SMOC2: variants seen among roughly 807,000 people sequenced by gnomAD.
SMOC2 encodes the protein SPARC-related modular calcium-binding protein 2.
In SMOC2, 39 loss-of-function variants were observed where a neutral mutation model predicts 61.4. The ratio of observed to expected loss-of-function variants is 0.64; its 90% confidence interval spans 0.49 to 0.83. SMOC2 has a LOEUF of 0.83. Ranked by LOEUF, SMOC2 falls within the 40% of genes least tolerant of loss-of-function variation. The probability of loss-of-function intolerance (pLI) is 0.00; values close to 1 mark genes in which losing one functional copy is unlikely to be tolerated. For missense variants in SMOC2, 556 were observed against 592.9 expected (o/e 0.94, Z 0.65); for synonymous variants, 247 against 239.9 (o/e 1.03, Z -0.27).
At chr6:168,489,103 G>A (rs1481709824) in intron 1 of SMOC2, among the ~76,000 whole-genome samples, 17 of 132,520 alleles carry the variant, frequency 1.3e-4, no homozygotes, top group East Asian at 1.2e-3. Flanking sequence ...CTGTTTTAGA[G>A]TGAAATATAT....
At chr6:168,478,353 G>T (rs1188908165) in intron 1 of SMOC2, among the ~76,000 whole-genome samples, 2 of 152,208 alleles carry the variant, frequency 1.3e-5, no homozygotes, top group African/African-American at 4.8e-5. Context: ...TATTGGAGTG[G>T]TAGATGATGG....
At chr6:168,653,806 C>T (rs1466555109) in intron 11 of SMOC2, among the ~76,000 whole-genome samples, 2 of 148,156 alleles carry the variant, frequency 1.3e-5, no homozygotes, top group African/African-American at 5.1e-5. Context: ...GTTAGGAACT[C>T]ACCACCCCTG....
intron 7 of SMOC2, among the ~76,000 whole-genome samples, chr6:168,565,924 A>G (rs924604514): frequency 5.9e-5 from 9 of 152,150 alleles, no homozygotes; most frequent in African/African-American, 2.2e-4. Flanking sequence ...ACTGGAGTGA[A>G]ATTTCTCCCA....
chr6:168,482,134 A>C (rs1344264251), intron 1 of SMOC2, among the ~76,000 whole-genome samples: 1 of 151,966 alleles, frequency 6.6e-6, no homozygotes, highest in Non-Finnish European at 1.5e-5. Context: ...TAAAATTGAT[A>C]ACATTTTAGC....
intron 7 of SMOC2, among the ~76,000 whole-genome samples, chr6:168,574,841 C>T (rs1283385055): frequency 1.3e-5 from 2 of 152,190 alleles, no homozygotes; most frequent in Admixed American, 6.5e-5. Flanking sequence ...ACCACTTAGG[C>T]ACAGAGGGTG....
intron 9 of SMOC2, among the ~76,000 whole-genome samples, chr6:168,628,622 A>G (rs992828015): frequency 7.7e-4 from 118 of 152,344 alleles, no homozygotes; most frequent in African/African-American, 2.8e-3. Flanking sequence ...TATTTGACCA[A>G]TTCCTTCTCC....
Position 168,622,090 on chromosome 6 carries a change from T to C in SMOC2, c.907+13851T>C, listed in dbSNP as rs868393868. Reference sequence around the variant, plus strand: ...ACGCCATTCTTCTGCCTCAGCCTCCTGAGTAGCTGGGACTACAGGCGCCTG... The same window carrying C: ...ACGCCATTCTTCTGCCTCAGCCTCCCGAGTAGCTGGGACTACAGGCGCCTG... On this transcript the variant is annotated intron_variant, in intron 9 of 12. Transcript: ENST00000356284. 2.6e-5 allele frequency among the ~76,000 whole-genome samples: 4 copies of C among 152,094 alleles called. No homozygotes were observed. In the East Asian group the frequency reaches 5.8e-4, roughly 22 times the overall value.
At chr6:168,620,882 T>A (rs1188165406) in intron 9 of SMOC2, among the ~76,000 whole-genome samples, 1 of 152,208 alleles carries the variant, frequency 6.6e-6, no homozygotes, top group Non-Finnish European at 1.5e-5. Context: ...TTCCTGATAA[T>A]TCCTTAAGAA....
intron 7 of SMOC2, among the ~76,000 whole-genome samples, chr6:168,551,750 G>A (rs898486036): frequency 6.6e-6 from 1 of 152,178 alleles, no homozygotes; most frequent in Non-Finnish European, 1.5e-5. Flanking sequence ...CACCATGCCA[G>A]GCTAAGAAAT....
intron 1 of SMOC2, among the ~76,000 whole-genome samples, chr6:168,468,539 G>GT (rs1396255565): frequency 1.3e-5 from 2 of 152,158 alleles, no homozygotes; most frequent in Non-Finnish European, 2.9e-5. Flanking sequence ...GACAATGAAG[G>GT]TTTTTTGTTT....
At chr6:168,595,195 G>GAGCTCCTCCTTCCTAAGGCCTCACA (rs1562369296) in intron 7 of SMOC2, among the ~76,000 whole-genome samples, 31 of 10,008 alleles carry the variant, frequency 3.1e-3, no homozygotes, top group Admixed American at 6.1e-3. Flanking sequence ...GAGGCCTCAC[G>GAGCTCCTCCTTCCTAAGGCCTCACA]AGGGGCATCT....
At chr6:168,615,686 G>T (rs1583163157) in intron 9 of SMOC2, among the ~76,000 whole-genome samples, 1 of 134,408 alleles carries the variant, frequency 7.4e-6, no homozygotes, top group African/African-American at 2.9e-5. Flanking sequence ...CCTACAGCCA[G>T]CACAGGGCCT....
intron 7 of SMOC2, among the ~76,000 whole-genome samples, chr6:168,569,569 T>C (rs1316299817): frequency 6.6e-6 from 1 of 152,088 alleles, no homozygotes; most frequent in Non-Finnish European, 1.5e-5. Flanking sequence ...GCCTCCTGAG[T>C]AGCTAGGACC....
At chr6:168,566,930 G>A (rs78765347) in intron 7 of SMOC2, among the ~76,000 whole-genome samples, 277 of 152,274 alleles carry the variant, frequency 1.8e-3, no homozygotes, top group Non-Finnish European at 3.2e-3. Flanking sequence ...AAGACAGAAT[G>A]ATACACGGAA....
intron 7 of SMOC2, among the ~76,000 whole-genome samples, chr6:168,558,513 C>G (rs1331635273): frequency 2.6e-5 from 4 of 152,224 alleles, no homozygotes; most frequent in South Asian, 4.2e-4. Flanking sequence ...GGTTCTCGGC[C>G]CCCCCTGTGT....
intron 9 of SMOC2, among the ~76,000 whole-genome samples, chr6:168,625,180 A>C (rs1256233378): frequency 6.6e-6 from 1 of 152,216 alleles, no homozygotes; most frequent in Admixed American, 6.5e-5. Flanking sequence ...GCACTAGGGC[A>C]TGTGGGGCAC....
chr6:168,584,893 A>C (rs2115164355), intron 7 of SMOC2, among the ~76,000 whole-genome samples: 1 of 152,300 alleles, frequency 6.6e-6, no homozygotes, highest in South Asian at 2.1e-4. Context: ...ACAGCCCCCC[A>C]GAGCCATCTC....
At chr6:168,563,138 A>C (rs1470997688) in intron 7 of SMOC2, among the ~76,000 whole-genome samples, 2 of 152,234 alleles carry the variant, frequency 1.3e-5, no homozygotes, top group African/African-American at 4.8e-5. Flanking sequence ...AGGAAAAAGC[A>C]GGTATTCATC....
At chr6:168,653,940 C>T (rs76168654) in intron 11 of SMOC2, among the ~76,000 whole-genome samples, 1 of 98 alleles carries the variant, frequency 0.01, no homozygotes, top group African/African-American at 0.05. Flanking sequence ...ACCAACCCTG[C>T]ACCTGAGCTC....
Sources: gnomAD v4.1 joint callset for allele counts (sites outside exome capture counted in the v4.1 genomes callset) on GRCh38, gnomAD v4.1.1 for gene constraint, MANE v1.5 for transcripts, NCBI Gene and HGNC (gene_info 2026-07-23, HGNC 2026-07-21) for gene names.